The following CREBBP variants were observed in gnomAD, a reference collection of about 807,000 sequenced individuals.
CREBBP encodes the protein CREB binding lysine acetyltransferase.
Under a neutral mutation model 265.0 loss-of-function variants are expected in CREBBP, and 19 were observed. That is an observed-to-expected ratio of 0.07 (90% CI 0.05 to 0.11). The LOEUF (loss-of-function observed/expected upper bound fraction) is 0.11, where lower values mean the gene tolerates loss of function less well. CREBBP is among the 10% of genes least tolerant of loss of function. The pLI, the probability that CREBBP is intolerant of heterozygous loss-of-function variation, is 1.00. For synonymous variants in CREBBP, 1,457 were observed against 1,223.7 expected (o/e 1.19, Z -3.98); for missense variants, 2,525 against 3,219.0 (o/e 0.78, Z 5.22).
intron 5 of CREBBP, among the ~76,000 whole-genome samples, chr16:3,790,358 G>A (rs1242154500): frequency 6.8e-6 from 1 of 146,316 alleles, no homozygotes; most frequent in Non-Finnish European, 1.5e-5. Context: ...TGACTTTTAG[G>A]AAACTGGCTT....
Position 3,731,538 on chromosome 16 carries a change from G to A in CREBBP, c.4891-65C>T, listed in dbSNP as rs2051916752. 1 of 1,540,844 alleles carries A rather than the reference G, an allele frequency of 6.5e-7. No homozygotes were observed. Among genetic ancestry groups the A allele is most frequent in the African/African-American group, 1.4e-5 (1 of 73,528 alleles). On this transcript the variant is annotated intron_variant, in intron 29 of 30. Transcript: ENST00000262367. The surrounding 1 kb of genome is among the most constrained non-coding windows in gnomAD (Gnocchi z 7.7). ...TGGCACCTCCAGTGGTGAGCTCAGG[G>A]CAGGCGCAGCCACCCAGCCTGCAGA...
intron 13 of CREBBP, among the ~76,000 whole-genome samples, chr16:3,773,106 A>C (rs1008250690): frequency 7.9e-5 from 12 of 152,090 alleles, no homozygotes; most frequent in South Asian, 2.1e-4. Context: ...AACAAACAAA[A>C]AAAAACTTAA....
chr16:3,761,510 GA>G (rs781427805), intron 16 of CREBBP: 3 of 517,936 alleles, frequency 5.8e-6, no homozygotes, highest in Non-Finnish European at 1.2e-5. Context: ...CTTTAGAGAT[GA>G]AAACAGGCGC....
chr16:3,743,144 T>C (rs1371435939), intron 23 of CREBBP: 2 of 152,222 alleles, frequency 1.3e-5, no homozygotes, highest in African/African-American at 4.8e-5. Context: ...TCTGGAGACA[T>C]TTCTGACAGA....
At chr16:3,855,238 G>A (rs1304914552) in intron 1 of CREBBP, among the ~76,000 whole-genome samples, 1 of 152,142 alleles carries the variant, frequency 6.6e-6, no homozygotes, top group Non-Finnish European at 1.5e-5. Context: ...AAGGTTCCCT[G>A]GCCTTTGTCT....
intron 1 of CREBBP, among the ~76,000 whole-genome samples, chr16:3,851,860 CAAA>C (rs1159688899): frequency 6.9e-5 from 2 of 28,962 alleles, no homozygotes; most frequent in African/African-American, 2.5e-4. Flanking sequence ...GACTCCGTCT[CAAA>C]AAAAAAAAAA....
At chr16:3,854,316 G>C (rs1399547892) in intron 1 of CREBBP, among the ~76,000 whole-genome samples, 1 of 152,158 alleles carries the variant, frequency 6.6e-6, no homozygotes, top group African/African-American at 2.4e-5. Flanking sequence ...ACCAGATCTC[G>C]TCATGGGCAG....
chr16:3,787,764 G>A (rs992952060), intron 5 of CREBBP, among the ~76,000 whole-genome samples: 2 of 152,076 alleles, frequency 1.3e-5, no homozygotes, highest in Non-Finnish European at 2.9e-5. Flanking sequence ...GGTTCATCAA[G>A]TCATTCTCCT....
intron 13 of CREBBP, among the ~76,000 whole-genome samples, chr16:3,771,585 C>T (rs2053009799): frequency 6.6e-6 from 1 of 152,002 alleles, no homozygotes. Context: ...TTCCAAGACC[C>T]CCAGTCTTGG....
intron 13 of CREBBP, among the ~76,000 whole-genome samples, chr16:3,772,915 C>CAAAAAAAAAAAAAAA (rs144154476): frequency 2.3e-5 from 2 of 88,784 alleles, no homozygotes; most frequent in Non-Finnish European, 4.2e-5. Flanking sequence ...ACTAAAAATA[C>CAAAAAAAAAAAAAAA]AAAAAAAAAA....
intron 3 of CREBBP, among the ~76,000 whole-genome samples, chr16:3,808,877 G>A (rs2141341008): frequency 6.6e-6 from 1 of 152,312 alleles, no homozygotes; most frequent in East Asian, 1.9e-4. Flanking sequence ...TCCTTTCGGT[G>A]AGGACTGGAA....
chr16:3,807,091 G>A (rs1315613417), intron 3 of CREBBP, among the ~76,000 whole-genome samples: 2 of 152,166 alleles, frequency 1.3e-5, no homozygotes, highest in Admixed American at 6.5e-5. Flanking sequence ...AGTGGAGTGA[G>A]CTCTGTGTCA....
At chr16:3,737,839 T>C (rs1232910280) in intron 26 of CREBBP, among the ~76,000 whole-genome samples, 3 of 151,978 alleles carry the variant, frequency 2.0e-5, no homozygotes, top group Non-Finnish European at 4.4e-5. Flanking sequence ...CAGGCTGGAG[T>C]GCAGTGGCAC....
At chr16:3,767,221 T>A (rs1277994750) in intron 16 of CREBBP, 1 of 171,252 alleles carries the variant, frequency 5.8e-6, no homozygotes, top group Non-Finnish European at 1.3e-5. Flanking sequence ...CTACACAGGG[T>A]CCCTAGGCGC....
chr16:3,750,786 C>T (rs908627987), intron 20 of CREBBP, among the ~76,000 whole-genome samples: 3 of 152,146 alleles, frequency 2.0e-5, no homozygotes, highest in African/African-American at 7.2e-5. Flanking sequence ...TTGGAGAACA[C>T]TGGAATCCAT....
At chr16:3,743,099 G>A (rs1187078572) in intron 23 of CREBBP, 1 of 152,204 alleles carries the variant, frequency 6.6e-6, no homozygotes, top group Non-Finnish European at 1.5e-5. Context: ...CTCAAATGGA[G>A]GCAACTGTGC....
intron 22 of CREBBP, 119 bp from the exon 23 acceptor site, chr16:3,745,080 A>C: frequency 1.1e-6 from 1 of 928,836 alleles, no homozygotes; most frequent in South Asian, 1.4e-5. Flanking sequence ...AAAATTAAAG[A>C]GTGAAGAGGC....
intron 3 of CREBBP, among the ~76,000 whole-genome samples, chr16:3,805,266 C>A (rs1338859744): frequency 2.6e-5 from 4 of 152,192 alleles, no homozygotes; most frequent in African/African-American, 9.6e-5. Flanking sequence ...TACTTCCAAA[C>A]CTTCCCCACG....
At chr16:3,828,391 G>A (rs567454201) in intron 2 of CREBBP, among the ~76,000 whole-genome samples, 79 of 152,296 alleles carry the variant, frequency 5.2e-4, no homozygotes, top group Non-Finnish European at 7.8e-4. Flanking sequence ...CATGCCCGTC[G>A]AAAGCTGACT....
Sources: gnomAD v4.1 joint callset for allele counts (sites outside exome capture counted in the v4.1 genomes callset) on GRCh38, gnomAD v4.1.1 for gene constraint, Gnocchi (gnomAD v3.1) non-coding constraint, MANE v1.5 for transcripts, NCBI Gene and HGNC (gene_info 2026-07-23, HGNC 2026-07-21) for gene names.